ARHGEF12: variants seen among roughly 807,000 people sequenced by gnomAD.
ARHGEF12 encodes KMT2A/ARHGEF12 fusion protein.
Under a neutral mutation model 211.2 loss-of-function variants are expected in ARHGEF12, and 66 were observed. The observed-to-expected ratio is 0.31, with a 90% CI of 0.26 to 0.38. ARHGEF12 has a LOEUF of 0.38. Among genes scored for constraint, ARHGEF12 ranks in the 10% least tolerant of loss-of-function variants. The pLI is 1.00. For synonymous variants in ARHGEF12, 592 were observed against 638.4 expected, an observed-to-expected ratio of 0.93 and a Z score of 1.09; for missense variants, 1,429 against 1,869.5, an observed-to-expected ratio of 0.76 and a Z score of 4.34.
Position 120,451,604 on chromosome 11 carries a change from T to G in ARHGEF12, c.1936T>G (p.Leu646Val), listed in dbSNP as rs771541631. The G allele has an allele frequency of 7.4e-6, 12 of 1,614,144 alleles. No homozygotes were observed. The highest frequency in any genetic ancestry group is 9.3e-6 in the Non-Finnish European group (11 of 1,180,014). ...TCCTGAACCTCAGGACTCTGCCAAGTTGCGCCAGAGTGGGTTAGCAAATGA... is the reference window on the plus strand; with the variant it reads ...TCCTGAACCTCAGGACTCTGCCAAGGTGCGCCAGAGTGGGTTAGCAAATGA... ...VSPEPQDSAK[L>V]RQSGLANEGT... The change falls in exon 22 of 41, where the codon TTG becomes GTG. Residue 646 changes from leucine (L) to valine (V), a missense_variant. Physicochemically the swap from Leu to Val is conservative, Grantham distance 32. Around this residue, in one of 7 missense-constraint regions of ARHGEF12, gnomAD observed 373 missense variants for 467.5 expected, o/e 0.80. Transcript: ENST00000397843.
intron 1 of ARHGEF12, among the ~76,000 whole-genome samples, chr11:120,341,214 C>T (rs1051905825): frequency 5.8e-5 from 7 of 120,426 alleles, no homozygotes; most frequent in African/African-American, 2.4e-4. Flanking sequence ...CCCACCACCA[C>T]GCCTGGCTAA....
intron 28 of ARHGEF12, 80 bp downstream of exon 28, chr11:120,465,442 A>G: frequency 6.4e-7 from 1 of 1,561,724 alleles, no homozygotes; most frequent in Non-Finnish European, 8.7e-7. Context: ...AATTCTGACT[A>G]AGACTTTTAC....
intron 9 of ARHGEF12, 85 bp from the exon 10 acceptor site, chr11:120,429,627 G>T (rs1290343630): frequency 6.4e-7 from 1 of 1,555,146 alleles, no homozygotes; most frequent in Admixed American, 1.8e-5. Flanking sequence ...AATGCCATTA[G>T]TTATATTATT....
rs1328758570 is a variant in ARHGEF12 at position 120,442,425 on chromosome 11, T to TAC, written c.1302+224_1302+225insCA. On this transcript the variant is annotated intron_variant, in intron 15 of 40. Coordinates refer to ENST00000397843, the MANE Select transcript of ARHGEF12 (RefSeq NM_015313.3). ...GGTTTTAGGGGATTATATATATATA[T>TAC]ATACACACACACACACACACACACA... Among the ~76,000 whole-genome samples, 284 of 130,566 alleles carry TAC rather than the reference T, an allele frequency of 2.2e-3. 1 individual carries two copies. The highest frequency in any genetic ancestry group is 6.9e-3 in the African/African-American group (244 of 35,482). 85.7% of individuals were successfully genotyped at this position (130,566 alleles called of 152,430 possible). A position where few individuals can be genotyped will look rare whatever the true frequency, so the allele number is the denominator to read the frequency against.
At chr11:120,452,740 A>G (rs1946249479) in intron 22 of ARHGEF12, among the ~76,000 whole-genome samples, 1 of 152,220 alleles carries the variant, frequency 6.6e-6, no homozygotes, top group Non-Finnish European at 1.5e-5. Context: ...TCATGCCTGT[A>G]ATCCCAGCAC....
At chr11:120,484,408 A>G (rs1394873841) in intron 39 of ARHGEF12, 30 bp from the exon 40 acceptor site, 6 of 1,597,032 alleles carry the variant, frequency 3.8e-6, no homozygotes, top group Non-Finnish European at 5.1e-6. Flanking sequence ...ATTACGTTTG[A>G]ATAAAAAACC....
chr11:120,404,348 G>A (rs1386962448), intron 1 of ARHGEF12, among the ~76,000 whole-genome samples: 1 of 152,100 alleles, frequency 6.6e-6, no homozygotes, highest in Non-Finnish European at 1.5e-5. Context: ...TGTTACTTAT[G>A]CATATAAGCA....
rs564033650 is a variant in ARHGEF12, at chr11:120,457,585, T to G, written c.2190-136T>G. 219 of 585,036 alleles carry G rather than the reference T, an allele frequency of 3.7e-4. 3 individuals carry two copies. The East Asian group carries it at 6.8e-3, about 18-fold the overall frequency. The allele number at this position is 585,036 out of a possible 1,614,324, so 36.2% of individuals were successfully genotyped here. A position where few individuals can be genotyped will look rare whatever the true frequency, so the allele number is the denominator to read the frequency against. ...TACTCAAATTTTCTTCAATTTATTT[T>G]ATATTAAATTATTACAATATCCCAA... On this transcript the variant is annotated intron_variant, in intron 23 of 40. Transcript: ENST00000397843.
intron 26 of ARHGEF12, 112 bp downstream of exon 26, chr11:120,459,432 G>C (rs1260229791): frequency 2.6e-6 from 3 of 1,145,338 alleles, no homozygotes; most frequent in African/African-American, 1.6e-5. Flanking sequence ...TTATGTGTGA[G>C]AATGTAAGAT....
In ARHGEF12 at chr11:120,420,614, C is replaced by T. The variant is rs944651310; in HGVS notation, c.200-139C>T. 9.2e-6 allele frequency: 6 copies of T among 652,408 alleles called. No individual in the cohort carries two copies. In the African/African-American group the frequency reaches 1.1e-4, roughly 12 times the overall value. The allele number at this position is 652,408 out of a possible 1,614,324, so 40.4% of individuals were successfully genotyped here. A position where few individuals can be genotyped will look rare whatever the true frequency, so the allele number is the denominator to read the frequency against. ...TGCTTTGTTGATGGTGGTTAGTGTT[C>T]TTATTTTACCATGTGGATTTACATG... On this transcript the variant is annotated intron_variant, in intron 4 of 40. Transcript: ENST00000397843.
At position 120,457,213 on chromosome 11, in the gene ARHGEF12, T is replaced by G; in HGVS notation, c.2152T>G (p.Leu718Val). The G allele has an allele frequency of 6.2e-7, 1 of 1,614,066 alleles. No homozygotes were observed. The highest frequency in any genetic ancestry group is 1.3e-5 in the African/African-American group (1 of 75,030). Residue 718 changes from leucine (L) to valine (V), a missense_variant, in exon 23 of 41, where the codon TTA (leucine) becomes GTA (valine). By Grantham distance (32) the Leu-to-Val change is conservative. Around this residue, in one of 7 missense-constraint regions of ARHGEF12, gnomAD observed 373 missense variants for 467.5 expected, o/e 0.80. Coordinates refer to ENST00000397843, the MANE Select transcript of ARHGEF12 (RefSeq NM_015313.3). The stretch of plus-strand genomic sequence containing the variant: ...TGTCTTTGATTTCCCACCACCTCCA[T>G]TAGACCAAGTGCAGGAGGAGGAATG... ...NTVFDFPPPP[L>V]DQVQEEECEV...
chr11:120,354,154 T>C (rs1943069208), intron 1 of ARHGEF12, among the ~76,000 whole-genome samples: 1 of 151,952 alleles, frequency 6.6e-6, no homozygotes. Context: ...AGAGGGAAGA[T>C]TCCTGTTTCA....
rs59803272 is a variant in ARHGEF12 at position 120,347,182 on chromosome 11, T to TG, written c.32+9907_32+9908insG. Among the ~76,000 whole-genome samples the TG allele has an allele frequency of 4.2e-4, 52 of 125,090 alleles. 2 individuals carry two copies. The highest frequency in any genetic ancestry group is 1.6e-3 in the African/African-American group (45 of 27,954). The allele number at this position is 125,090 out of a possible 152,430, so 82.1% of individuals were successfully genotyped here. Reference sequence around the variant, plus strand: ...TTCCTTCCTTCCTTCCTTCCTTCCTTCCTTTCTTTCTTTCTTTCTTTCTCT... The same window carrying TG: ...TTCCTTCCTTCCTTCCTTCCTTCCTTGCCTTTCTTTCTTTCTTTCTTTCTCT... On this transcript the variant is annotated intron_variant, in intron 1 of 40. Transcript: ENST00000397843.
At chr11:120,401,470 G>A (rs894868440) in intron 1 of ARHGEF12, among the ~76,000 whole-genome samples, 11 of 152,178 alleles carry the variant, frequency 7.2e-5, no homozygotes, top group Non-Finnish European at 1.3e-4. Context: ...AGGCAGTTTA[G>A]ATTCATATCA....
chr11:120,453,444 G>C (rs1177946920), intron 22 of ARHGEF12, among the ~76,000 whole-genome samples: 2 of 152,186 alleles, frequency 1.3e-5, no homozygotes, highest in Admixed American at 1.3e-4. Flanking sequence ...AAGAAGCCAG[G>C]CATGGTGGCT....
intron 33 of ARHGEF12, 113 bp downstream of exon 33, chr11:120,475,620 C>A: frequency 8.9e-7 from 1 of 1,124,992 alleles, no homozygotes; most frequent in Non-Finnish European, 1.2e-6. Context: ...TTTTTATATT[C>A]TTAAGCAAAT....
At chr11:120,442,281 A>C in intron 15 of ARHGEF12, 79 bp downstream of exon 15, 1 of 1,052,486 alleles carries the variant, frequency 9.5e-7, no homozygotes, top group Non-Finnish European at 1.3e-6. Flanking sequence ...CTTCCCTCCC[A>C]TGTTTTTGGA....
chr11:120,465,032 A>G (rs998518898), intron 27 of ARHGEF12: 2 of 586,160 alleles, frequency 3.4e-6, no homozygotes, highest in Non-Finnish European at 5.7e-6. Flanking sequence ...AGAAGAAGAA[A>G]ACATTGGAAT....
intron 1 of ARHGEF12, among the ~76,000 whole-genome samples, chr11:120,364,695 TAGTG>T (rs773931870): frequency 4.6e-5 from 7 of 152,154 alleles, no homozygotes; most frequent in Non-Finnish European, 8.8e-5. Context: ...AAGTAAACCT[TAGTG>T]AGGAAATTGT....
Sources: allele counts gnomAD v4.1 joint callset (sites outside exome capture counted in the v4.1 genomes callset), GRCh38; gene constraint gnomAD v4.1.1; regional missense constraint gnomAD v4.1.1; transcripts MANE v1.5; gene names NCBI Gene and HGNC (gene_info 2026-07-23, HGNC 2026-07-21).